Variants in ZNF365 observed in about 807,000 individuals in gnomAD.
The protein encoded by ZNF365 is protein ZNF365.
Under a neutral mutation model 35.0 loss-of-function variants are expected in ZNF365, and 22 were observed. The observed-to-expected ratio is 0.63, with a 90% confidence interval of 0.45 to 0.90. The LOEUF (loss-of-function observed/expected upper bound fraction) is 0.90, where lower values mean the gene tolerates loss of function less well. Among genes scored for constraint, ZNF365 ranks in the 40% least tolerant of loss-of-function variants. ZNF365 has a pLI of 0.00. For missense variants in ZNF365, 448 were observed against 500.3 expected (o/e 0.90, Z 1.00); for synonymous variants, 188 against 196.2 (o/e 0.96, Z 0.35).
chr10:62,465,902 T>G (rs1840935401), intron 4 of ZNF365, among the ~76,000 whole-genome samples: 1 of 152,092 alleles, frequency 6.6e-6, no homozygotes, highest in African/African-American at 2.4e-5. Context: ...ACCCCAGGGT[T>G]CCCTGAGCCA....
intron 2 of ZNF365, among the ~76,000 whole-genome samples, chr10:62,382,300 A>G (rs1056021428): frequency 3.9e-5 from 6 of 152,336 alleles, no homozygotes; most frequent in South Asian, 4.1e-4. Context: ...AAAAAATCAC[A>G]TTGGATATAG....
intron 3 of ZNF365, among the ~76,000 whole-genome samples, chr10:62,407,582 C>CTCCTA (rs1418854994): frequency 1.5e-5 from 2 of 137,870 alleles, no homozygotes; most frequent in Non-Finnish European, 3.0e-5. Context: ...AGGGTCTCCT[C>CTCCTA]TCCTCTCCTC....
chr10:62,469,091 A>T (rs1297792192), intron 4 of ZNF365, among the ~76,000 whole-genome samples: 1 of 152,236 alleles, frequency 6.6e-6, no homozygotes, highest in Non-Finnish European at 1.5e-5. Context: ...AGCAGAGTTC[A>T]TGGCAACAGT....
At chr10:62,378,675 C>A (rs1188761927) in intron 2 of ZNF365, among the ~76,000 whole-genome samples, 1 of 152,206 alleles carries the variant, frequency 6.6e-6, no homozygotes, top group Non-Finnish European at 1.5e-5. Flanking sequence ...CGTAAATGTC[C>A]TTCCAGACCT....
chr10:62,449,667 G>A (rs1840646363), intron 3 of ZNF365, among the ~76,000 whole-genome samples: 1 of 152,116 alleles, frequency 6.6e-6, no homozygotes, highest in Non-Finnish European at 1.5e-5. Context: ...CTCTCATTCT[G>A]AGATCTGTCC....
chr10:62,428,957 A>G lies in ZNF365; in HGVS notation c.925-30784A>G, dbSNP rs141999052. 3.5e-4 allele frequency among the ~76,000 whole-genome samples: 53 copies of G among 152,328 alleles called. No individual in the cohort carries two copies. In the East Asian group the frequency reaches 9.6e-3, roughly 28 times the overall value. ...CTTACACTGTGGCCAATTTCAGGCT[A>G]TCAGTGTGCAGTCACTAAACAGAGT... On this transcript the variant is annotated intron_variant, in intron 3 of 4. Coordinates refer to the ZNF365 transcript ENST00000395255.
chr10:62,454,908 T>C (rs1157462168), intron 3 of ZNF365, among the ~76,000 whole-genome samples: 1 of 152,214 alleles, frequency 6.6e-6, no homozygotes, highest in African/African-American at 2.4e-5. Flanking sequence ...CTCTGAGCTC[T>C]GCTTTTGGAG....
In ZNF365 at chr10:62,376,708, T is replaced by A. The variant is rs760070093; in HGVS notation, c.515T>A (p.Val172Glu). 3 of 1,614,046 alleles carry A rather than the reference T, an allele frequency of 1.9e-6. No homozygotes were observed. In the East Asian group the frequency reaches 6.7e-5, roughly 36 times the overall value. Residue 172 changes from valine to glutamate, a missense_variant, in exon 2 of 5, where the codon GTG (valine) becomes GAG (glutamate). This residue lies in a region of ZNF365 where 362 missense variants were observed against 375.7 expected (regional missense o/e 0.96). Coordinates refer to ENST00000395254, the MANE Select transcript of ZNF365 (RefSeq NM_014951.3). ...REKFNRMVEA[V>E]DRTIEKRIDK... ...AAATTCAATCGAATGGTTGAGGCTG[T>A]GGATAGGACCATTGAGAAGAGAATT...
In ZNF365 at chr10:62,400,570, C is replaced by G. The variant is rs74623257; in HGVS notation, c.*781C>G. 6.1e-3 allele frequency: 6,059 copies of G among 985,882 alleles called. 284 individuals carry two copies. The African/African-American group carries it at 0.099, about 16-fold the overall frequency. The allele number at this position is 985,882 out of a possible 1,614,324, so 61.1% of individuals were successfully genotyped here. A position where few individuals can be genotyped will look rare whatever the true frequency, so the allele number is the denominator to read the frequency against. On this transcript the variant is annotated 3_prime_UTR_variant, in exon 5 of 5. Coordinates refer to ENST00000395254, the MANE Select transcript of ZNF365 (RefSeq NM_014951.3). ...TATGGCTGGGGAGCGAAGTAAAATC[C>G]TCTTTTGATTAGCACCCAGCATGGG...
chr10:62,394,722 T>G (rs954961549), intron 3 of ZNF365, among the ~76,000 whole-genome samples: 2 of 152,100 alleles, frequency 1.3e-5, no homozygotes, highest in African/African-American at 4.8e-5. Flanking sequence ...AGACACTAAA[T>G]GGAAGGGGAA....
Position 62,400,062 on chromosome 10 carries a change from G to A in ZNF365, c.*273G>A. 8.5e-7 allele frequency: 1 copy of A among 1,170,968 alleles called. No homozygotes were observed. The highest frequency in any genetic ancestry group is 1.1e-6 in the Non-Finnish European group (1 of 946,280). The allele number at this position is 1,170,968 out of a possible 1,614,324, so 72.5% of individuals were successfully genotyped here. A position where few individuals can be genotyped will look rare whatever the true frequency, so the allele number is the denominator to read the frequency against. ...AAAGCTCTAACTTCTAAAGTAACTG[G>A]CCCAGTCTCCAGTAATCTTGGCATC... On this transcript the variant is annotated 3_prime_UTR_variant, in exon 5 of 5. Transcript: ENST00000395254.
intron 3 of ZNF365, among the ~76,000 whole-genome samples, chr10:62,417,540 G>C (rs1589444692): frequency 1.3e-5 from 2 of 152,020 alleles, no homozygotes; most frequent in South Asian, 4.1e-4. Context: ...TGGGACACTT[G>C]CTAATATTCC....
chr10:62,385,878 C>T (rs10821987), intron 2 of ZNF365, among the ~76,000 whole-genome samples: 58,108 of 151,734 alleles, frequency 0.38, 11,486 homozygotes, highest in Middle Eastern at 0.47. Context: ...AAATATTGAC[C>T]GAAATGAATT....
chr10:62,445,286 T>C (rs1840568346), intron 3 of ZNF365, among the ~76,000 whole-genome samples: 1 of 151,368 alleles, frequency 6.6e-6, no homozygotes, highest in Admixed American at 6.6e-5. Flanking sequence ...TTTGGGTATA[T>C]ACCCAGTAAT....
At chr10:62,395,186 T>G (rs1839702644) in intron 3 of ZNF365, among the ~76,000 whole-genome samples, 1 of 152,164 alleles carries the variant, frequency 6.6e-6, no homozygotes, top group Non-Finnish European at 1.5e-5. Flanking sequence ...ATCTGAGTTA[T>G]TCTTTGTCTC....
chr10:62,471,694 C>G (rs1245482628), intron 4 of ZNF365, among the ~76,000 whole-genome samples: 1 of 152,202 alleles, frequency 6.6e-6, no homozygotes, highest in African/African-American at 2.4e-5. Context: ...ACAAAAAAAT[C>G]TGCATGATTA....
At chr10:62,459,928 A>G (rs1407850913) in intron 4 of ZNF365, 15 of 746,154 alleles carry the variant, frequency 2.0e-5, no homozygotes, top group Middle Eastern at 3.7e-4. Flanking sequence ...ACATTTTCAC[A>G]TTCTCCTTCT....
In ZNF365 at chr10:62,436,598, T is replaced by C. The variant is rs749832984; in HGVS notation, c.925-23143T>C. 4.6e-5 allele frequency among the ~76,000 whole-genome samples: 7 copies of C among 152,182 alleles called. No individual in the cohort carries two copies. The East Asian group carries it at 1.2e-3, about 25-fold the overall frequency. ...GGCAGGAAGATTTTCACCAAGAAAT[T>C]TTTATTCACTAAGAAATGAATATTT... is the stretch of plus-strand genomic sequence containing the variant. On this transcript the variant is annotated intron_variant, in intron 3 of 4. Coordinates refer to the ZNF365 transcript ENST00000395255.
At chr10:62,429,509 A>G (rs558998430) in intron 3 of ZNF365, among the ~76,000 whole-genome samples, 2 of 152,322 alleles carry the variant, frequency 1.3e-5, no homozygotes, top group South Asian at 4.1e-4. Flanking sequence ...GAATAAATGT[A>G]CTTAACTGTT....
Sources: gnomAD v4.1 joint callset for allele counts (sites outside exome capture counted in the v4.1 genomes callset) on GRCh38, gnomAD v4.1.1 for gene constraint, gnomAD v4.1.1 regional missense constraint, MANE v1.5 for transcripts, NCBI Gene and HGNC (gene_info 2026-07-23, HGNC 2026-07-21) for gene names.